RGPD2: variants seen among roughly 807,000 people sequenced by gnomAD.
The protein encoded by RGPD2 is RANBP2 like and GRIP domain containing 2.
A neutral mutation model predicts 36.0 loss-of-function variants in RGPD2; 2 were observed. That is an observed-to-expected ratio of 0.06 (90% confidence interval 0.02 to 0.17). The LOEUF (loss-of-function observed/expected upper bound fraction) is 0.17. Among genes scored for constraint, RGPD2 ranks in the 10% least tolerant of loss-of-function variants. The pLI, the probability that RGPD2 is intolerant of heterozygous loss-of-function variation, is 1.00. For synonymous variants in RGPD2, 19 were observed against 163.8 expected (o/e 0.12, Z 6.75); for missense variants, 40 against 464.3 (o/e 0.09, Z 8.40).
chr2:87,873,314 G>A, the RGPD2 span, among the ~76,000 whole-genome samples: 5 of 144,344 alleles, frequency 3.5e-5, no homozygotes, highest in Non-Finnish European at 6.1e-5. Context: ...ATGTGTGCAT[G>A]TATCTTTATA....
chr2:87,840,731 T>G, the RGPD2 span, among the ~76,000 whole-genome samples: 1 of 146,636 alleles, frequency 6.8e-6, no homozygotes, highest in Non-Finnish European at 1.5e-5. Context: ...CAATATCTTT[T>G]TCTATATAGT....
the RGPD2 span, among the ~76,000 whole-genome samples, chr2:87,956,844 G>A: frequency 1.4e-4 from 21 of 146,788 alleles, no homozygotes; most frequent in East Asian, 8.2e-4. Context: ...AGAATATTGC[G>A]TCACTGATTA....
At chr2:87,933,641 AAGGAAC>A in the RGPD2 span, among the ~76,000 whole-genome samples, 9 of 149,172 alleles carry the variant, frequency 6.0e-5, no homozygotes, top group South Asian at 1.5e-3. Flanking sequence ...AATAGTTTTG[AAGGAAC>A]AGGTGGTGTT....
the RGPD2 span, among the ~76,000 whole-genome samples, chr2:87,878,032 A>T: frequency 1.3e-5 from 2 of 151,634 alleles, no homozygotes; most frequent in East Asian, 3.9e-4. Context: ...GGAGTATCTT[A>T]CTGGGGTTCT....
At chr2:87,848,774 G>C in the RGPD2 span, among the ~76,000 whole-genome samples, 1 of 147,204 alleles carries the variant, frequency 6.8e-6, no homozygotes, top group African/African-American at 2.5e-5. Flanking sequence ...CCACATCAAA[G>C]GGCTTTCAAC....
At chr2:87,846,391 G>T in the RGPD2 span, among the ~76,000 whole-genome samples, 1 of 151,930 alleles carries the variant, frequency 6.6e-6, no homozygotes, top group African/African-American at 2.4e-5. Flanking sequence ...CTCAATTATT[G>T]AACAATTAGA....
chr2:87,917,344 CA>C, the RGPD2 span, among the ~76,000 whole-genome samples: 1 of 105,072 alleles, frequency 9.5e-6, no homozygotes, highest in Non-Finnish European at 1.9e-5. Flanking sequence ...TTTTCAGAGA[CA>C]AGGTCTCACT....
the RGPD2 span, among the ~76,000 whole-genome samples, chr2:87,867,181 G>C: frequency 4.0e-5 from 6 of 151,592 alleles, no homozygotes; most frequent in African/African-American, 1.4e-4. Flanking sequence ...TTTGGTTGAA[G>C]CCCTAGAAAG....
At chr2:87,836,880 G>A in the RGPD2 span, among the ~76,000 whole-genome samples, 1 of 152,040 alleles carries the variant, frequency 6.6e-6, no homozygotes, top group Non-Finnish European at 1.5e-5. Flanking sequence ...AAGTAAAGAG[G>A]TAGATAATAA....
At chr2:87,962,348 G>A in the RGPD2 span, among the ~76,000 whole-genome samples, 1 of 151,676 alleles carries the variant, frequency 6.6e-6, no homozygotes, top group Non-Finnish European at 1.5e-5. Flanking sequence ...TATTTTGGTT[G>A]TGGATAATTT....
the RGPD2 span, among the ~76,000 whole-genome samples, chr2:87,886,535 C>A: frequency 6.6e-6 from 1 of 151,752 alleles, no homozygotes; most frequent in Non-Finnish European, 1.5e-5. Context: ...TTTCTTTGGT[C>A]CTCTCTAGTG....
the RGPD2 span, among the ~76,000 whole-genome samples, chr2:87,984,897 T>C: frequency 1.4e-5 from 2 of 139,304 alleles, no homozygotes; most frequent in Admixed American, 1.6e-4. Flanking sequence ...GCCATTGCAC[T>C]CCAGCCTAGG....
chr2:87,947,321 T>C, the RGPD2 span, among the ~76,000 whole-genome samples: 2 of 151,868 alleles, frequency 1.3e-5, no homozygotes, highest in Non-Finnish European at 2.9e-5. Context: ...GTGCCTCAAA[T>C]AATGGGGTTA....
the RGPD2 span, among the ~76,000 whole-genome samples, chr2:87,863,837 T>C: frequency 6.6e-6 from 1 of 152,192 alleles, no homozygotes; most frequent in Non-Finnish European, 1.5e-5. Flanking sequence ...CAATGTTACA[T>C]CATAGTATTT....
At chr2:87,760,634 TTG>T in intron 22 of RGPD2, among the ~76,000 whole-genome samples, 1 of 17,686 alleles carries the variant, frequency 5.7e-5, no homozygotes, top group Admixed American at 4.9e-4. Flanking sequence ...TTTTTTTTTT[TTG>T]AGACAGAGTC....
the RGPD2 span, among the ~76,000 whole-genome samples, chr2:87,917,820 G>C: frequency 1.6e-3 from 190 of 118,446 alleles, no homozygotes; most frequent in African/African-American, 6.6e-3. Flanking sequence ...TCATGCTAAT[G>C]TTTGGATGTT....
the RGPD2 span, among the ~76,000 whole-genome samples, chr2:87,848,795 A>G: frequency 1.3e-5 from 2 of 149,130 alleles, no homozygotes; most frequent in African/African-American, 4.9e-5. Context: ...GAGCTCTACA[A>G]AATGACATCC....
chr2:87,852,469 G>A, the RGPD2 span, among the ~76,000 whole-genome samples: 3 of 152,100 alleles, frequency 2.0e-5, no homozygotes, highest in Admixed American at 6.5e-5. Context: ...GCCCAGAGGG[G>A]TTCTTTAAAA....
chr2:87,831,917 TTA>T, the RGPD2 span, among the ~76,000 whole-genome samples: 2 of 145,842 alleles, frequency 1.4e-5, no homozygotes, highest in African/African-American at 5.0e-5. Context: ...ATATAAATAA[TTA>T]TAAAATAATA....
Sources: gnomAD v4.1 joint callset for allele counts (sites outside exome capture counted in the v4.1 genomes callset) on GRCh38, gnomAD v4.1.1 for gene constraint, MANE v1.5 for transcripts, NCBI Gene and HGNC (gene_info 2026-07-23, HGNC 2026-07-21) for gene names.